Variants in WDR33 observed in about 807,000 individuals in gnomAD.
The protein encoded by WDR33 is pre-mRNA 3' end processing protein WDR33.
Under a neutral mutation model 164.9 loss-of-function variants are expected in WDR33, and 47 were observed. The observed-to-expected ratio is 0.29, with a 90% CI of 0.23 to 0.36. The LOEUF is 0.36. WDR33 is among the 10% of genes least tolerant of loss of function. The pLI is 1.00. For synonymous variants in WDR33, 505 were observed against 589.0 expected (o/e 0.86, Z 2.06); for missense variants, 1,137 against 1,754.1 (o/e 0.65, Z 6.28).
At position 127,709,839 on chromosome 2, in the gene WDR33, G is replaced by A. The variant is rs757247979; in HGVS notation, c.3326C>T (p.Pro1109Leu). Reference protein sequence around the residue: ...RREESFRRGAPPRHEGRAPPR... With the variant: ...RREESFRRGALPRHEGRAPPR... ...GGGAGCACGGCCCTCATGCCTCGGC[G>A]GGGCTCCTCTTCTGAAACTGTAAAG... The change falls in exon 19 of 22, where the codon CCG (proline) becomes CTG (leucine). Residue 1109 changes from proline to leucine, a missense_variant. By Grantham distance (98) the Pro-to-Leu change is moderately conservative. Transcript: ENST00000322313. This position sits in a 1 kb window ranked among gnomAD's most constrained non-coding sequence, Gnocchi z 5.0. 8.1e-6 allele frequency: 13 copies of A among 1,614,112 alleles called. No homozygotes were observed. Among genetic ancestry groups the A allele is most frequent in the Non-Finnish European group, 8.5e-6 (10 of 1,180,008 alleles).
chr2:127,803,609 T>A (rs1353127147), intron 1 of WDR33, among the ~76,000 whole-genome samples: 1 of 152,028 alleles, frequency 6.6e-6, no homozygotes, highest in Non-Finnish European at 1.5e-5. Flanking sequence ...TGATGATTTT[T>A]AATATCATGT....
chr2:127,768,448 TATTA>T (rs1282717641), intron 3 of WDR33, among the ~76,000 whole-genome samples, 155 bp from the exon 4 acceptor site: 2 of 152,190 alleles, frequency 1.3e-5, no homozygotes, highest in African/African-American at 2.4e-5. Flanking sequence ...ACAATTAGTC[TATTA>T]ATTAAGTGAA....
chr2:127,711,293 C>T (rs572279165), intron 18 of WDR33, among the ~76,000 whole-genome samples: 12 of 152,008 alleles, frequency 7.9e-5, no homozygotes, highest in Admixed American at 5.2e-4. Flanking sequence ...GGCGTGGTGG[C>T]GCGTGCCTGT....
intron 7 of WDR33, among the ~76,000 whole-genome samples, chr2:127,755,347 T>C (rs1161460295): frequency 6.6e-6 from 1 of 152,172 alleles, no homozygotes; most frequent in Non-Finnish European, 1.5e-5. Flanking sequence ...CTCTGCATAC[T>C]TGTCTCACAG....
chr2:127,804,218 G>A (rs1689356118), intron 1 of WDR33, among the ~76,000 whole-genome samples: 1 of 152,152 alleles, frequency 6.6e-6, no homozygotes, highest in Admixed American at 6.6e-5. Context: ...CTACTCGGGA[G>A]GTTGAGGCAG....
Position 127,764,812 on chromosome 2 carries a change from T to C in WDR33, c.626+16A>G, listed in dbSNP as rs780619575. 1 of 1,614,000 alleles carries C rather than the reference T, an allele frequency of 6.2e-7. No homozygotes were observed. Among genetic ancestry groups the C allele is most frequent in the African/African-American group, 1.3e-5 (1 of 74,876 alleles). On this transcript the variant is annotated intron_variant, in intron 6 of 21. Coordinates refer to ENST00000322313, the MANE Select transcript of WDR33 (RefSeq NM_018383.5). This position sits in a 1 kb window ranked among gnomAD's most constrained non-coding sequence, Gnocchi z 6.2. ...TGACAATAGGGACTACAGAAAATGG[T>C]ATATTGTGTATAAACCTGGCCTCTC...
intron 18 of WDR33, among the ~76,000 whole-genome samples, chr2:127,711,755 T>TATATATATAGATATATATATATATAG (rs1558919276): frequency 1.3e-5 from 1 of 74,230 alleles, no homozygotes; most frequent in African/African-American, 1.3e-4. Flanking sequence ...TATACAGATA[T>TATATATATAGATATATATATATATAG]ATATATATAT....
chr2:127,794,833 C>CAAAAAA (rs990234716), intron 1 of WDR33, among the ~76,000 whole-genome samples: 1 of 79,302 alleles, frequency 1.3e-5, no homozygotes, highest in African/African-American at 3.9e-5. Context: ...GACTCCGTTT[C>CAAAAAA]AAAAAAAAAA....
Position 127,770,891 on chromosome 2 carries a change from C to T in WDR33, c.91G>A (p.Asp31Asn), listed in dbSNP as rs1219233812. The T allele has an allele frequency of 6.2e-7, 1 of 1,614,046 alleles. No individual in the cohort carries two copies. Among genetic ancestry groups the T allele is most frequent in the Non-Finnish European group, 8.5e-7 (1 of 1,180,026 alleles). Reference sequence around the variant, plus strand: ...TGCATTGCTTGCTGTTGTGCAAAATCAGGTCGCTTATAAAACAGCTGTCGA... The same window carrying T: ...TGCATTGCTTGCTGTTGTGCAAAATTAGGTCGCTTATAAAACAGCTGTCGA... ...APRQLFYKRPDFAQQQAMQQL... is the reference protein window; with the variant it reads ...APRQLFYKRPNFAQQQAMQQL... Residue 31 changes from aspartate (D) to asparagine (N), a missense_variant, in exon 2 of 22, where the codon GAT becomes AAT. Physicochemically the swap from Asp to Asn is conservative, Grantham distance 23. Coordinates refer to ENST00000322313, the MANE Select transcript of WDR33 (RefSeq NM_018383.5). The surrounding 1 kb of genome is among the most constrained non-coding windows in gnomAD (Gnocchi z 4.9).
chr2:127,736,193 GA>G, intron 7 of WDR33: 1 of 985,378 alleles, frequency 1.0e-6, no homozygotes, highest in Non-Finnish European at 1.2e-6. Context: ...AAGTCTGCCA[GA>G]AGGCTGATTT....
chr2:127,781,059 T>G (rs1688353148), intron 1 of WDR33, among the ~76,000 whole-genome samples: 1 of 152,054 alleles, frequency 6.6e-6, no homozygotes, highest in Non-Finnish European at 1.5e-5. Context: ...AGACGGGATT[T>G]CACCATGTTG....
chr2:127,727,050 G>A (rs1686587967), intron 7 of WDR33, among the ~76,000 whole-genome samples: 1 of 152,218 alleles, frequency 6.6e-6, no homozygotes, highest in South Asian at 2.1e-4. Context: ...GCTTTTGGAG[G>A]CTGCACCCCT....
chr2:127,724,574 C>A lies in WDR33; in HGVS notation c.1086-131G>T. 1.3e-6 allele frequency: 1 copy of A among 779,904 alleles called. No individual in the cohort carries two copies. The highest frequency in any genetic ancestry group is 2.1e-6 in the Non-Finnish European group (1 of 474,444). 48.3% of individuals were successfully genotyped at this position (779,904 alleles called of 1,614,324 possible). On this transcript the variant is annotated intron_variant, in intron 10 of 21. Transcript: ENST00000322313. The surrounding 1 kb of genome is among the most constrained non-coding windows in gnomAD (Gnocchi z 4.8). ...GCCTGGACTTGGACTCTGGTGAATT[C>A]CACATGTCTCGGGGTATTGGCTTGT...
At chr2:127,765,697 GAA>G (rs1404525953) in intron 4 of WDR33, among the ~76,000 whole-genome samples, 1 of 150,274 alleles carries the variant, frequency 6.7e-6, no homozygotes, top group East Asian at 2.0e-4. Context: ...AATTCAGAAA[GAA>G]AAGTTACCAG....
chr2:127,702,309 T>A lies in WDR33; in HGVS notation c.*4014A>T. 1.0e-6 allele frequency: 1 copy of A among 962,066 alleles called. No individual in the cohort carries two copies. The highest frequency in any genetic ancestry group is 1.3e-6 in the Non-Finnish European group (1 of 753,292). The allele number at this position is 962,066 out of a possible 1,614,324, so 59.6% of individuals were successfully genotyped here. Reference sequence around the variant, plus strand: ...GCCCTGCCCTAACAGCCTGCGAGTCTAATCCGGGAGCGGCTGCTGCCAGCG... The same window carrying A: ...GCCCTGCCCTAACAGCCTGCGAGTCAAATCCGGGAGCGGCTGCTGCCAGCG... On this transcript the variant is annotated 3_prime_UTR_variant, in exon 22 of 22. Transcript: ENST00000322313.
intron 1 of WDR33, among the ~76,000 whole-genome samples, chr2:127,808,788 T>TG (rs1689525731): frequency 6.6e-6 from 1 of 152,086 alleles, no homozygotes; most frequent in African/African-American, 2.4e-5. Flanking sequence ...CCCAGCACTT[T>TG]GGGAGGCCGA....
chr2:127,796,488 C>T (rs1689048488), intron 1 of WDR33, among the ~76,000 whole-genome samples: 1 of 151,900 alleles, frequency 6.6e-6, no homozygotes, highest in Admixed American at 6.6e-5. Context: ...CAAGATAGGT[C>T]CCATTGCTTG....
At chr2:127,747,648 A>G (rs1193474871) in intron 7 of WDR33, among the ~76,000 whole-genome samples, 1 of 152,206 alleles carries the variant, frequency 6.6e-6, no homozygotes, top group Non-Finnish European at 1.5e-5. Context: ...CCTATAATGT[A>G]TCCTGCTTGT....
At chr2:127,752,005 C>T (rs1203392706) in intron 7 of WDR33, among the ~76,000 whole-genome samples, 1 of 152,144 alleles carries the variant, frequency 6.6e-6, no homozygotes, top group Non-Finnish European at 1.5e-5. Context: ...GGGGTGGACG[C>T]AGAGGGTAAC....
Sources: gnomAD v4.1 joint callset for allele counts (sites outside exome capture counted in the v4.1 genomes callset) on GRCh38, gnomAD v4.1.1 for gene constraint, Gnocchi (gnomAD v3.1) non-coding constraint, MANE v1.5 for transcripts, NCBI Gene and HGNC (gene_info 2026-07-23, HGNC 2026-07-21) for gene names.